NBAS: variants seen among roughly 807,000 people sequenced by gnomAD.
NBAS encodes the protein NBAS subunit of NRZ tethering complex.
In NBAS, 219 loss-of-function variants were observed where a neutral mutation model predicts 302.5. That is an observed-to-expected ratio of 0.72 (90% CI 0.65 to 0.81). NBAS has a LOEUF of 0.81. Among genes scored for constraint, NBAS ranks in the 30% least tolerant of loss-of-function variants. The pLI, the probability that NBAS is intolerant of heterozygous loss-of-function variation, is 0.00. For missense variants in NBAS, 2,932 were observed against 2,841.6 expected (o/e 1.03, Z -0.72); for synonymous variants, 1,118 against 1,021.6 (o/e 1.09, Z -1.80).
chr2:15,488,751 G>T, intron 12 of NBAS, 143 bp downstream of exon 12: 1 of 1,067,412 alleles, frequency 9.4e-7, no homozygotes, highest in Non-Finnish European at 1.4e-6. Context: ...CCACTGTACT[G>T]ATATCATAAT....
At chr2:15,013,163 G>A in the NBAS span, among the ~76,000 whole-genome samples, 842 of 152,254 alleles carry the variant, frequency 5.5e-3, 10 homozygotes, top group African/African-American at 0.019. Flanking sequence ...TGGCCAGACT[G>A]AGGAAATTTA....
At chr2:14,923,108 C>T in the NBAS span, among the ~76,000 whole-genome samples, 13 of 152,118 alleles carry the variant, frequency 8.5e-5, no homozygotes, top group African/African-American at 1.2e-4. Context: ...GCCGAGATTG[C>T]GCAACTGCAC....
chr2:14,939,032 T>G, the NBAS span, among the ~76,000 whole-genome samples: 1 of 152,214 alleles, frequency 6.6e-6, no homozygotes, highest in Admixed American at 6.5e-5. Context: ...CACCAGTGCC[T>G]ATTAAGTAGG....
intron 35 of NBAS, among the ~76,000 whole-genome samples, chr2:15,343,985 T>C (rs1672973782): frequency 6.8e-6 from 1 of 147,240 alleles, no homozygotes; most frequent in South Asian, 2.1e-4. Context: ...AAAAAACACT[T>C]GACTGCAAGA....
At chr2:15,081,024 C>A in the NBAS span, among the ~76,000 whole-genome samples, 27 of 152,184 alleles carry the variant, frequency 1.8e-4, no homozygotes, top group African/African-American at 5.3e-4. Context: ...AACGGGCCAC[C>A]ATGCAGAGGC....
In NBAS at chr2:15,320,742, TAA is replaced by T. The variant is rs1402222292; in HGVS notation, c.4582+7006_4582+7007del. Reference sequence around the variant, plus strand: ...AACTACAAACCACTGCTCAACAAAATAAAAGAGGATACAAATGGAAGAATATT... The same window carrying T: ...AACTACAAACCACTGCTCAACAAAATAAGAGGATACAAATGGAAGAATATT... On this transcript the variant is annotated intron_variant, in intron 38 of 51. Transcript: ENST00000281513. Among the ~76,000 whole-genome samples the T allele has an allele frequency of 4.2e-5, 6 of 143,090 alleles. No individual in the cohort carries two copies. In the East Asian group the frequency reaches 1.3e-3, roughly 30 times the overall value. 93.9% of individuals were successfully genotyped at this position (143,090 alleles called of 152,430 possible). A position where few individuals can be genotyped will look rare whatever the true frequency, so the allele number is the denominator to read the frequency against.
At chr2:15,304,832 T>C (rs1670957971) in intron 40 of NBAS, among the ~76,000 whole-genome samples, 1 of 152,216 alleles carries the variant, frequency 6.6e-6, no homozygotes, top group Non-Finnish European at 1.5e-5. Context: ...ACTTGGATGC[T>C]CTTAAAAGCA....
At chr2:15,328,988 C>G (rs1672199883) in intron 36 of NBAS, among the ~76,000 whole-genome samples, 1 of 152,160 alleles carries the variant, frequency 6.6e-6, no homozygotes, top group Admixed American at 6.5e-5. Flanking sequence ...GACTGTGTCC[C>G]TTTCATGATC....
the NBAS span, among the ~76,000 whole-genome samples, chr2:14,881,668 G>A: frequency 1.3e-5 from 2 of 152,182 alleles, no homozygotes; most frequent in African/African-American, 4.8e-5. Flanking sequence ...GCCAGCCAGG[G>A]CCTGTGGGCT....
the NBAS span, among the ~76,000 whole-genome samples, chr2:15,126,663 G>A: frequency 2.6e-5 from 4 of 152,202 alleles, no homozygotes; most frequent in Non-Finnish European, 5.9e-5. Context: ...TCAGCAGCAA[G>A]AGAAAAGCCA....
the NBAS span, among the ~76,000 whole-genome samples, chr2:15,077,396 C>A: frequency 6.6e-6 from 1 of 152,112 alleles, no homozygotes; most frequent in Admixed American, 6.5e-5. Flanking sequence ...CCTGATATTC[C>A]ACTCATATAC....
At chr2:14,998,354 C>T in the NBAS span, among the ~76,000 whole-genome samples, 1 of 152,232 alleles carries the variant, frequency 6.6e-6, no homozygotes, top group South Asian at 2.1e-4. Context: ...GCTAAGCCCA[C>T]GGGTCTCCTG....
intron 48 of NBAS, among the ~76,000 whole-genome samples, chr2:15,204,811 A>T (rs1356260017): frequency 1.3e-5 from 2 of 152,198 alleles, no homozygotes; most frequent in Non-Finnish European, 2.9e-5. Context: ...TTGAACAATG[A>T]GAACACTTGG....
chr2:15,498,497 A>G (rs1459750204), intron 11 of NBAS, among the ~76,000 whole-genome samples: 1 of 152,248 alleles, frequency 6.6e-6, no homozygotes, highest in African/African-American at 2.4e-5. Flanking sequence ...AGCATAAATT[A>G]GTTCAACCAT....
intron 35 of NBAS, among the ~76,000 whole-genome samples, chr2:15,349,012 G>A (rs565028866): frequency 8.5e-5 from 13 of 152,140 alleles, no homozygotes; most frequent in Non-Finnish European, 1.5e-4. Flanking sequence ...ACAAGCACAA[G>A]AGCACAAGAT....
chr2:14,898,958 A>G, the NBAS span, among the ~76,000 whole-genome samples: 2 of 152,088 alleles, frequency 1.3e-5, no homozygotes, highest in Admixed American at 6.6e-5. Flanking sequence ...TATGGGCCTC[A>G]CTTGGGGTCT....
At chr2:15,259,554 T>G (rs1219744122) in intron 44 of NBAS, among the ~76,000 whole-genome samples, 1 of 152,224 alleles carries the variant, frequency 6.6e-6, no homozygotes, top group African/African-American at 2.4e-5. Flanking sequence ...CCCTTTGAGA[T>G]GTAAATCTTC....
chr2:15,063,402 GC>G, the NBAS span, among the ~76,000 whole-genome samples: 78 of 152,072 alleles, frequency 5.1e-4, no homozygotes, highest in African/African-American at 1.8e-3. Flanking sequence ...ATCACTCATG[GC>G]CCCATCTTTC....
chr2:15,113,543 T>A, the NBAS span, among the ~76,000 whole-genome samples: 1 of 152,080 alleles, frequency 6.6e-6, no homozygotes, highest in Non-Finnish European at 1.5e-5. Context: ...CCAGGTGATA[T>A]CAAAGGACAT....
Sources: allele counts gnomAD v4.1 joint callset (sites outside exome capture counted in the v4.1 genomes callset), GRCh38; gene constraint gnomAD v4.1.1; transcripts MANE v1.5; gene names NCBI Gene and HGNC (gene_info 2026-07-23, HGNC 2026-07-21).